Variants in MRTFB observed in about 807,000 individuals in gnomAD.
MRTFB encodes the protein myocardin related transcription factor B.
MRTFB carries 29 observed loss-of-function variants against 104.2 expected under a neutral mutation model. The observed-to-expected ratio is 0.28, with a 90% CI of 0.21 to 0.38. The LOEUF (loss-of-function observed/expected upper bound fraction) is 0.38, where lower values mean the gene tolerates loss of function less well. MRTFB is among the 10% of genes least tolerant of loss of function. The pLI is 1.00. For missense variants in MRTFB, 1,270 were observed against 1,341.6 expected, an observed-to-expected ratio of 0.95 and a Z score of 0.83; for synonymous variants, 535 against 519.5, an observed-to-expected ratio of 1.03 and a Z score of -0.41.
At chr16:14,017,329 T>C in the MRTFB span, among the ~76,000 whole-genome samples, 4 of 151,516 alleles carry the variant, frequency 2.6e-5, no homozygotes, top group Non-Finnish European at 5.9e-5. Flanking sequence ...ATGCTGGGAT[T>C]ACAGGCGTGA....
At chr16:14,076,381 G>T (rs2034054301) in intron 1 of MRTFB, among the ~76,000 whole-genome samples, 2 of 152,096 alleles carry the variant, frequency 1.3e-5, no homozygotes, top group African/African-American at 4.8e-5. Flanking sequence ...TTTTAGTAGA[G>T]ATGGCGTTTC....
intron 3 of MRTFB, among the ~76,000 whole-genome samples, chr16:14,171,542 C>T (rs1333756181): frequency 6.6e-6 from 1 of 151,932 alleles, no homozygotes; most frequent in African/African-American, 2.4e-5. Flanking sequence ...GTTTCTGGCA[C>T]TATCACTGTA....
chr16:14,040,034 C>T, the MRTFB span, among the ~76,000 whole-genome samples: 1 of 152,168 alleles, frequency 6.6e-6, no homozygotes, highest in Non-Finnish European at 1.5e-5. Context: ...AGGCGTGAGC[C>T]ACCGCGCCCA....
chr16:14,259,540 C>T (rs1478820592), intron 16 of MRTFB, among the ~76,000 whole-genome samples: 1 of 152,048 alleles, frequency 6.6e-6, no homozygotes, highest in Non-Finnish European at 1.5e-5. Flanking sequence ...GCAAGCGGAT[C>T]ACCTGAGGTC....
intron 3 of MRTFB, among the ~76,000 whole-genome samples, chr16:14,206,728 G>A (rs2151145908): frequency 6.6e-6 from 1 of 152,196 alleles, no homozygotes; most frequent in East Asian, 1.9e-4. Context: ...TTTCAGTGGA[G>A]ACGGGTTTCA....
At chr16:14,169,932 C>G (rs1674977053) in intron 3 of MRTFB, among the ~76,000 whole-genome samples, 1 of 151,844 alleles carries the variant, frequency 6.6e-6, no homozygotes. Flanking sequence ...AGGGGTTGGC[C>G]TTTTTTCATC....
chr16:14,003,766 A>T, the MRTFB span, among the ~76,000 whole-genome samples: 1 of 151,890 alleles, frequency 6.6e-6, no homozygotes, highest in Non-Finnish European at 1.5e-5. Context: ...GGGAAACTCA[A>T]AAGTATGCAG....
rs914547729 is a variant in MRTFB, at chr16:14,263,005, G to A, written c.*1561G>A. ...TTCTGGGTTTGTGTTTTGCCTAAGA[G>A]CTGATCTTATTTCTGATTTGTGTGT... On this transcript the variant is annotated 3_prime_UTR_variant, in exon 17 of 17. Coordinates refer to ENST00000571589, the MANE Select transcript of MRTFB (RefSeq NM_001308142.2). 1.3e-5 allele frequency: 2 copies of A among 152,584 alleles called. No homozygotes were observed. The highest frequency in any genetic ancestry group is 6.5e-5 in the Admixed American group (1 of 15,284). 9.5% of individuals were successfully genotyped at this position (152,584 alleles called of 1,614,324 possible). A position where few individuals can be genotyped will look rare whatever the true frequency, so the allele number is the denominator to read the frequency against.
chr16:14,105,178 A>G (rs956685293), intron 2 of MRTFB, among the ~76,000 whole-genome samples: 3 of 152,192 alleles, frequency 2.0e-5, no homozygotes, highest in African/African-American at 7.2e-5. Flanking sequence ...CCTTTGAGTG[A>G]AAATAACTGA....
the MRTFB span, among the ~76,000 whole-genome samples, chr16:14,055,293 G>A: frequency 3.3e-5 from 5 of 152,246 alleles, no homozygotes; most frequent in South Asian, 2.1e-4. Flanking sequence ...GGAGGTTTCC[G>A]TGAGCCGAGA....
chr16:14,155,969 A>G (rs1487777688), intron 3 of MRTFB, among the ~76,000 whole-genome samples: 3 of 152,110 alleles, frequency 2.0e-5, no homozygotes, highest in Non-Finnish European at 4.4e-5. Context: ...AGCCTGCTTA[A>G]GCTCTCCTCT....
intron 10 of MRTFB, among the ~76,000 whole-genome samples, chr16:14,244,643 A>G (rs1490328067): frequency 1.3e-5 from 2 of 152,190 alleles, no homozygotes; most frequent in African/African-American, 2.4e-5. Flanking sequence ...CAATTTCCAC[A>G]TACCTAATGA....
At chr16:14,147,907 A>G (rs539995215) in intron 3 of MRTFB, among the ~76,000 whole-genome samples, 65 of 152,332 alleles carry the variant, frequency 4.3e-4, no homozygotes, top group African/African-American at 1.4e-3. Context: ...TAAACCGATG[A>G]TGAGACCACA....
the MRTFB span, among the ~76,000 whole-genome samples, chr16:14,031,057 C>T: frequency 1.3e-5 from 2 of 152,146 alleles, no homozygotes; most frequent in African/African-American, 4.8e-5. Context: ...AATTGTCCTG[C>T]CCCATGGCCA....
chr16:14,123,032 T>C (rs532308859), intron 2 of MRTFB, among the ~76,000 whole-genome samples: 1 of 152,280 alleles, frequency 6.6e-6, no homozygotes, highest in Admixed American at 6.5e-5. Context: ...TGCATTTCTC[T>C]AATGACCAGT....
At chr16:14,103,885 G>T (rs1488580587) in intron 2 of MRTFB, among the ~76,000 whole-genome samples, 2 of 152,200 alleles carry the variant, frequency 1.3e-5, no homozygotes, top group African/African-American at 4.8e-5. Flanking sequence ...GAAATATTAA[G>T]AATTTAAGCT....
At chr16:13,996,780 A>G in the MRTFB span, among the ~76,000 whole-genome samples, 1 of 152,204 alleles carries the variant, frequency 6.6e-6, no homozygotes, top group East Asian at 1.9e-4. Flanking sequence ...GGCATACTTG[A>G]GATGCCCCCA....
rs760032035 is a variant in MRTFB, at chr16:14,246,743, C to A, written c.1483C>A (p.Arg495Ser). 3.7e-6 allele frequency: 6 copies of A among 1,614,202 alleles called. No individual in the cohort carries two copies. The South Asian group carries it at 6.6e-5, about 18-fold the overall frequency. The change falls in exon 12 of 17, where the codon CGT becomes AGT. Residue 495 changes from arginine (R) to serine (S), a missense_variant. By Grantham distance (110) the Arg-to-Ser change is moderately radical. Coordinates refer to ENST00000571589, the MANE Select transcript of MRTFB (RefSeq NM_001308142.2). ...LPPTGTSNAT[R>S]VENVHSPLPI... ...ACCTACAGGAACCAGCAACGCAACCCGTGTGGAAAATGTTCATTCCCCTCT... is the reference window on the plus strand; with the variant it reads ...ACCTACAGGAACCAGCAACGCAACCAGTGTGGAAAATGTTCATTCCCCTCT...
intron 3 of MRTFB, chr16:14,186,983 A>G (rs149717524): frequency 3.1e-6 from 5 of 1,598,038 alleles, no homozygotes; most frequent in Admixed American, 1.7e-5. Flanking sequence ...ATTTTGAACC[A>G]TTAAAAGAAA....
Sources: allele counts gnomAD v4.1 joint callset (sites outside exome capture counted in the v4.1 genomes callset), GRCh38; gene constraint gnomAD v4.1.1; transcripts MANE v1.5; gene names NCBI Gene and HGNC (gene_info 2026-07-23, HGNC 2026-07-21).